Variants in SAMSN1 observed in about 807,000 individuals in gnomAD.
The protein encoded by SAMSN1 is SAM domain, SH3 domain and nuclear localization signals 1, also known as SAM domain-containing protein SAMSN-1.
In SAMSN1, 31 loss-of-function variants were observed where a neutral mutation model predicts 42.0. The observed-to-expected ratio is 0.74, with a 90% CI of 0.55 to 1.00. The LOEUF (loss-of-function observed/expected upper bound fraction) is 1.00. Ranked by LOEUF, SAMSN1 falls within the 50% of genes least tolerant of loss-of-function variation. The pLI, the probability that SAMSN1 is intolerant of heterozygous loss-of-function variation, is 0.00. For missense variants in SAMSN1, 464 were observed against 439.4 expected, an observed-to-expected ratio of 1.06 and a Z score of -0.50; for synonymous variants, 178 against 151.9, an observed-to-expected ratio of 1.17 and a Z score of -1.26.
At chr21:14,515,984 G>A (rs899582448) in intron 3 of SAMSN1, among the ~76,000 whole-genome samples, 2 of 152,152 alleles carry the variant, frequency 1.3e-5, no homozygotes, top group African/African-American at 4.8e-5. Flanking sequence ...CACTAGGATG[G>A]CTAGTATTAA....
chr21:14,565,313 G>A (rs190588265), intron 2 of SAMSN1, among the ~76,000 whole-genome samples: 5 of 151,038 alleles, frequency 3.3e-5, no homozygotes, highest in Admixed American at 6.6e-5. Flanking sequence ...ACATGTTTTG[G>A]TTTGTATACC....
intron 2 of SAMSN1, among the ~76,000 whole-genome samples, chr21:14,575,392 T>C (rs982576462): frequency 4.6e-5 from 7 of 152,216 alleles, no homozygotes; most frequent in Non-Finnish European, 1.0e-4. Context: ...AGTATAGATA[T>C]GTTTTGGCAT....
At chr21:14,594,138 CAAAA>C (rs1416610834) in intron 6 of SAMSN1, 3 of 627,702 alleles carry the variant, frequency 4.8e-6, no homozygotes, top group Non-Finnish European at 5.8e-6. Flanking sequence ...AAAAACAAAA[CAAAA>C]AAACTCCACA....
chr21:14,486,038 A>G lies in SAMSN1; in HGVS notation c.996T>C (p.Asp332=). The G allele has an allele frequency of 6.2e-7, 1 of 1,613,782 alleles. No homozygotes were observed. The highest frequency in any genetic ancestry group is 8.5e-7 in the Non-Finnish European group (1 of 1,179,756). ...AGCAACCAGAGTCCCTTGGGCAGTCATCTAACTGTGACTTATTTAAGGAGA... is the reference window on the plus strand; with the variant it reads ...AGCAACCAGAGTCCCTTGGGCAGTCGTCTAACTGTGACTTATTTAAGGAGA... ...SDISLNKSQL[D]DCPRDSGCYI... The change falls in exon 8 of 8, where the codon GAT becomes GAC. Residue 332 remains aspartate (D), a synonymous_variant. Coordinates refer to ENST00000400566, the MANE Select transcript of SAMSN1 (RefSeq NM_022136.5).
At chr21:14,610,088 A>G (rs111245175) in intron 4 of SAMSN1, among the ~76,000 whole-genome samples, 3,992 of 152,224 alleles carry the variant, frequency 0.026, 106 homozygotes, top group South Asian at 0.08. Context: ...GGATAACAGC[A>G]ATTTTCTGGG....
At chr21:14,658,102 A>C (rs1426011836) in intron 1 of SAMSN1, among the ~76,000 whole-genome samples, 1 of 151,878 alleles carries the variant, frequency 6.6e-6, no homozygotes, top group East Asian at 1.9e-4. Flanking sequence ...AGATGGTCAC[A>C]ATTGCAGGTT....
At chr21:14,649,243 A>C (rs1485772676) in intron 1 of SAMSN1, among the ~76,000 whole-genome samples, 2 of 128,850 alleles carry the variant, frequency 1.6e-5, no homozygotes, top group African/African-American at 6.1e-5. Flanking sequence ...GGACACAGGA[A>C]GGGGAACATC....
intron 5 of SAMSN1, among the ~76,000 whole-genome samples, chr21:14,605,909 T>TGGGTTCACTGCAAGCTCCGCCTCCC (rs1384824635): frequency 2.0e-5 from 3 of 152,048 alleles, no homozygotes; most frequent in Non-Finnish European, 4.4e-5. Context: ...TGGCGCGATC[T>TGGGTTCACTGCAAGCTCCGCCTCCC]GGGTTCACTG....
At chr21:14,616,482 C>G (rs983064988) in intron 2 of SAMSN1, among the ~76,000 whole-genome samples, 4 of 152,168 alleles carry the variant, frequency 2.6e-5, no homozygotes, top group African/African-American at 9.7e-5. Context: ...TAGCCTATCA[C>G]AATACCCTCA....
chr21:14,496,768 A>G (rs1325329030), intron 7 of SAMSN1, among the ~76,000 whole-genome samples: 2 of 152,226 alleles, frequency 1.3e-5, no homozygotes, highest in Non-Finnish European at 2.9e-5. Flanking sequence ...AACTTCAAAG[A>G]AAGCATATAA....
chr21:14,621,596 G>A (rs1476925536), intron 2 of SAMSN1, among the ~76,000 whole-genome samples: 1 of 15,222 alleles, frequency 6.6e-5, no homozygotes, highest in African/African-American at 2.5e-4. Context: ...GAGGCTGGGG[G>A]AGGCTTGAGT....
At chr21:14,572,434 C>T (rs1030123225) in intron 2 of SAMSN1, among the ~76,000 whole-genome samples, 2 of 152,174 alleles carry the variant, frequency 1.3e-5, no homozygotes, top group Non-Finnish European at 2.9e-5. Context: ...TGCTGCTTCT[C>T]TTTACTGCCA....
intron 1 of SAMSN1, among the ~76,000 whole-genome samples, chr21:14,648,577 AAAAC>A (rs934634776): frequency 6.6e-6 from 1 of 152,184 alleles, no homozygotes; most frequent in Non-Finnish European, 1.5e-5. Flanking sequence ...TTACAAGAAT[AAAAC>A]AAACAACCCC....
chr21:14,557,179 A>C (rs1247729563), intron 2 of SAMSN1, among the ~76,000 whole-genome samples: 2 of 152,190 alleles, frequency 1.3e-5, no homozygotes, highest in African/African-American at 4.8e-5. Flanking sequence ...TGAAGAGAGC[A>C]TGTGGACTTT....
intron 1 of SAMSN1, among the ~76,000 whole-genome samples, chr21:14,647,210 C>A (rs1214430385): frequency 6.6e-6 from 1 of 152,136 alleles, no homozygotes; most frequent in Non-Finnish European, 1.5e-5. Context: ...ATATGGCTAG[C>A]CAGTTTTCCC....
At chr21:14,649,966 A>G (rs1446421280) in intron 1 of SAMSN1, among the ~76,000 whole-genome samples, 1 of 152,232 alleles carries the variant, frequency 6.6e-6, no homozygotes, top group East Asian at 1.9e-4. Flanking sequence ...TTAATGATAA[A>G]GGGATCAATT....
intron 2 of SAMSN1, among the ~76,000 whole-genome samples, chr21:14,627,627 T>A (rs1241018527): frequency 6.6e-6 from 1 of 152,150 alleles, no homozygotes; most frequent in Non-Finnish European, 1.5e-5. Context: ...ATGGCCAATA[T>A]CAACAGGGTT....
chr21:14,623,292 G>A (rs953115659), intron 2 of SAMSN1, among the ~76,000 whole-genome samples: 1 of 152,126 alleles, frequency 6.6e-6, no homozygotes, highest in Non-Finnish European at 1.5e-5. Flanking sequence ...ATGTAAATGG[G>A]TTAAATGCTC....
chr21:14,564,586 C>G (rs1981050607), intron 2 of SAMSN1, among the ~76,000 whole-genome samples: 1 of 152,170 alleles, frequency 6.6e-6, no homozygotes, highest in African/African-American at 2.4e-5. Flanking sequence ...ATAAAACTCA[C>G]AAGATAATTA....
Sources: allele counts gnomAD v4.1 joint callset (sites outside exome capture counted in the v4.1 genomes callset), GRCh38; gene constraint gnomAD v4.1.1; transcripts MANE v1.5; gene names NCBI Gene and HGNC (gene_info 2026-07-23, HGNC 2026-07-21).